ERBB4: variants seen among roughly 807,000 people sequenced by gnomAD.
ERBB4 encodes the protein erb-b2 receptor tyrosine kinase 4, also known as receptor tyrosine-protein kinase erbB-4.
Under a neutral mutation model 158.0 loss-of-function variants are expected in ERBB4, and 42 were observed. The observed-to-expected ratio is 0.27, with a 90% confidence interval of 0.21 to 0.34. ERBB4 has a LOEUF of 0.34. Among genes scored for constraint, ERBB4 ranks in the 10% least tolerant of loss-of-function variants. ERBB4 has a pLI of 1.00. For synonymous variants in ERBB4, 583 were observed against 558.7 expected (o/e 1.04, Z -0.61); for missense variants, 1,333 against 1,624.1 (o/e 0.82, Z 3.08).
At chr2:212,237,168 G>A (rs2106001289) in intron 1 of ERBB4, among the ~76,000 whole-genome samples, 1 of 152,222 alleles carries the variant, frequency 6.6e-6, no homozygotes, top group Non-Finnish European at 1.5e-5. Flanking sequence ...ATCACTTTTG[G>A]AATTTTCAGC....
intron 1 of ERBB4, among the ~76,000 whole-genome samples, chr2:212,307,233 A>G (rs894967553): frequency 1.3e-5 from 2 of 151,166 alleles, no homozygotes; most frequent in Non-Finnish European, 3.0e-5. Context: ...CATTAGCTCT[A>G]AAAGCTATCA....
At chr2:211,588,099 G>T (rs2068342114) in intron 19 of ERBB4, among the ~76,000 whole-genome samples, 1 of 152,082 alleles carries the variant, frequency 6.6e-6, no homozygotes, top group Admixed American at 6.5e-5. Context: ...TAAATAGCAA[G>T]GTATGGAATT....
chr2:211,642,533 C>G (rs1354286842), intron 16 of ERBB4, among the ~76,000 whole-genome samples: 2 of 152,226 alleles, frequency 1.3e-5, no homozygotes, highest in East Asian at 3.9e-4. Flanking sequence ...TACCATCCAT[C>G]TCTTTATCTA....
chr2:212,201,458 C>A (rs561597021), intron 1 of ERBB4, among the ~76,000 whole-genome samples: 6 of 151,968 alleles, frequency 3.9e-5, no homozygotes, highest in Non-Finnish European at 7.4e-5. Flanking sequence ...TAAGGTGGAT[C>A]CTGGGTGGAT....
chr2:212,472,871 T>C (rs1003172763), intron 1 of ERBB4, among the ~76,000 whole-genome samples: 3 of 151,922 alleles, frequency 2.0e-5, no homozygotes, highest in Non-Finnish European at 4.4e-5. Context: ...AAGCCAATAA[T>C]GTTAACGTAT....
At chr2:212,172,922 C>T (rs149383169) in intron 1 of ERBB4, among the ~76,000 whole-genome samples, 276 of 152,106 alleles carry the variant, frequency 1.8e-3, no homozygotes, top group African/African-American at 6.2e-3. Context: ...ATATCCTGCA[C>T]ATGTATCCCT....
At chr2:212,018,959 G>A (rs572859369) in intron 2 of ERBB4, among the ~76,000 whole-genome samples, 11 of 152,208 alleles carry the variant, frequency 7.2e-5, no homozygotes, top group Non-Finnish European at 1.6e-4. Context: ...ACATTAAAAA[G>A]TGAGGGGGAG....
At chr2:211,886,822 T>C (rs2078813706) in intron 3 of ERBB4, among the ~76,000 whole-genome samples, 1 of 152,246 alleles carries the variant, frequency 6.6e-6, no homozygotes, top group South Asian at 2.1e-4. Context: ...ATGCTGCCAG[T>C]ACCTAACCTT....
At position 211,618,611 on chromosome 2, in the gene ERBB4, G is replaced by C. The variant is rs150756997; in HGVS notation, c.2301+566C>G. ...CTTTCTAACCTTGGGGTAACCTTGG[G>C]TTAACCCCAGGTTCTTGGTCTGTCA... On this transcript the variant is annotated intron_variant, in intron 19 of 27. Transcript: ENST00000342788. 5.8e-3 allele frequency among the ~76,000 whole-genome samples: 887 copies of C among 152,094 alleles called. 8 individuals carry two copies. Among genetic ancestry groups the C allele is most frequent in the African/African-American group, 0.021 (860 of 41,482 alleles).
intron 9 of ERBB4, among the ~76,000 whole-genome samples, chr2:211,710,436 A>G (rs1248682350): frequency 9.2e-5 from 14 of 152,302 alleles, no homozygotes; most frequent in African/African-American, 4.8e-5. Context: ...GCATTAAATT[A>G]TGAAGAAGCA....
intron 16 of ERBB4, among the ~76,000 whole-genome samples, chr2:211,655,994 T>C (rs937654618): frequency 6.6e-6 from 1 of 152,222 alleles, no homozygotes; most frequent in Non-Finnish European, 1.5e-5. Context: ...AACATATGAA[T>C]GAAGAAATTA....
At chr2:211,710,144 A>AT (rs780361937) in intron 9 of ERBB4, among the ~76,000 whole-genome samples, 10 of 152,230 alleles carry the variant, frequency 6.6e-5, no homozygotes, top group Admixed American at 2.0e-4. Flanking sequence ...AAAAGTGGCA[A>AT]TTTTTTAATA....
intron 1 of ERBB4, among the ~76,000 whole-genome samples, chr2:212,209,123 G>A (rs2082854384): frequency 6.6e-6 from 1 of 152,010 alleles, no homozygotes; most frequent in Non-Finnish European, 1.5e-5. Context: ...TTCTTCACAT[G>A]CAGACTCATA....
At chr2:211,471,746 A>G (rs2064832443) in intron 20 of ERBB4, among the ~76,000 whole-genome samples, 2 of 152,154 alleles carry the variant, frequency 1.3e-5, no homozygotes, top group Non-Finnish European at 2.9e-5. Context: ...TAAAAAAGTG[A>G]CAAAGTTTGG....
intron 20 of ERBB4, among the ~76,000 whole-genome samples, chr2:211,499,412 A>G (rs746742737): frequency 3.3e-5 from 5 of 151,918 alleles, no homozygotes; most frequent in Non-Finnish European, 7.4e-5. Flanking sequence ...CGTTCCAGCT[A>G]CTCGAGAGGC....
intron 1 of ERBB4, among the ~76,000 whole-genome samples, chr2:212,221,109 G>C (rs889211973): frequency 8.6e-5 from 13 of 151,372 alleles, no homozygotes; most frequent in Non-Finnish European, 1.8e-4. Flanking sequence ...TCATGAAACA[G>C]GGGGTGGTTT....
intron 3 of ERBB4, among the ~76,000 whole-genome samples, chr2:211,838,331 C>A (rs2077387438): frequency 6.6e-6 from 1 of 152,056 alleles, no homozygotes; most frequent in Non-Finnish European, 1.5e-5. Flanking sequence ...GCCATCATCT[C>A]TACATAGCCT....
At chr2:212,007,386 C>T (rs144142472) in intron 2 of ERBB4, among the ~76,000 whole-genome samples, 9 of 151,754 alleles carry the variant, frequency 5.9e-5, no homozygotes, top group East Asian at 1.9e-4. Flanking sequence ...TTGTTCATTA[C>T]GATACCATAA....
rs1160303514 is a variant in ERBB4, at chr2:211,384,017, T to C, written c.3525A>G (p.Arg1175=). ...CCAATGCTTGAAGGTCTCCATTTTT[T>C]CTCCGAGAAACAAAAGGGTTCTCCT... ...PVEENPFVSR[R]KNGDLQALDN... The change falls in exon 28 of 28, where the codon AGA becomes AGG. Residue 1175 remains arginine, a synonymous_variant. Transcript: ENST00000342788. 3 of 1,614,034 alleles carry C rather than the reference T, an allele frequency of 1.9e-6. No homozygotes were observed. The highest frequency in any genetic ancestry group is 1.7e-4 in the Middle Eastern group (1 of 6,060).
Sources: allele counts gnomAD v4.1 joint callset (sites outside exome capture counted in the v4.1 genomes callset), GRCh38; gene constraint gnomAD v4.1.1; transcripts MANE v1.5; gene names NCBI Gene and HGNC (gene_info 2026-07-23, HGNC 2026-07-21).